The following CDKL2 variants were observed in gnomAD, a reference collection of about 807,000 sequenced individuals.
CDKL2 encodes cyclin-dependent kinase-like 2.
Under a neutral mutation model 63.9 loss-of-function variants are expected in CDKL2, and 64 were observed. The observed-to-expected ratio is 1.00, with a 90% CI of 0.82 to 1.23. CDKL2 has a LOEUF of 1.23. CDKL2 is among the 50% of genes most tolerant of loss of function. CDKL2 has a pLI of 0.00. For synonymous variants in CDKL2, 211 were observed against 229.2 expected (o/e 0.92, Z 0.72); for missense variants, 656 against 668.0 (o/e 0.98, Z 0.20).
chr4:75,617,955 G>T (rs1729997005), intron 2 of CDKL2, among the ~76,000 whole-genome samples: 1 of 151,948 alleles, frequency 6.6e-6, no homozygotes, highest in South Asian at 2.1e-4. Context: ...ACAAAAATTA[G>T]CCAGGCGTGG....
chr4:75,616,823 A>T lies in CDKL2; in HGVS notation c.169-2374T>A, dbSNP rs554008486. On this transcript the variant is annotated intron_variant, in intron 2 of 13. Transcript: ENST00000307465. The stretch of plus-strand genomic sequence containing the variant: ...GATCATGTCCTTTGCAGGGACATGG[A>T]TGGAGCTAGAAGCCATTATCCTCAG... Among the ~76,000 whole-genome samples, 206 of 152,264 alleles carry T rather than the reference A, an allele frequency of 1.4e-3. 1 individual carries two copies. Among genetic ancestry groups the T allele is most frequent in the African/African-American group, 4.8e-3 (200 of 41,544 alleles).
rs565998196 is a variant in CDKL2 at position 75,616,398 on chromosome 4, C to T, written c.169-1949G>A. 5.9e-5 allele frequency among the ~76,000 whole-genome samples: 9 copies of T among 152,048 alleles called. No homozygotes were observed. In the South Asian group the frequency reaches 1.9e-3, roughly 32 times the overall value. On this transcript the variant is annotated intron_variant, in intron 2 of 13. Transcript: ENST00000307465. ...AATTCAGGGGCCGGGCACAGTGGCT[C>T]ACACCTGTAATCCCAGCACTTTGGG...
chr4:75,586,089 G>C (rs1476631852), intron 12 of CDKL2, among the ~76,000 whole-genome samples: 1 of 151,976 alleles, frequency 6.6e-6, no homozygotes. Flanking sequence ...GACTACAATG[G>C]AATTAAATTA....
intron 5 of CDKL2, among the ~76,000 whole-genome samples, chr4:75,604,550 C>A (rs975680654): frequency 2.0e-5 from 3 of 152,184 alleles, no homozygotes; most frequent in African/African-American, 4.8e-5. Context: ...GATATTTCAA[C>A]AAACGTAAGA....
chr4:75,600,706 T>G (rs1309733476), intron 6 of CDKL2, among the ~76,000 whole-genome samples: 3 of 152,030 alleles, frequency 2.0e-5, no homozygotes, highest in African/African-American at 7.2e-5. Context: ...CTATCCACCC[T>G]CCTCAGCTTC....
intron 6 of CDKL2, among the ~76,000 whole-genome samples, chr4:75,602,322 G>T (rs773355059): frequency 6.3e-4 from 96 of 152,224 alleles, no homozygotes; most frequent in Admixed American, 3.3e-4. Context: ...GGGGGTTACA[G>T]GCACGTGCCA....
In CDKL2 at chr4:75,607,168, T is replaced by C; in HGVS notation, c.542+15A>G. On this transcript the variant is annotated intron_variant, in intron 4 of 13. Coordinates refer to ENST00000307465, the MANE Select transcript of CDKL2 (RefSeq NM_001330724.2). The stretch of plus-strand genomic sequence containing the variant: ...AAGAGTAAAAATCTACTCCTCCCCA[T>C]TACTGATGTCTTACTTGCCATACTT... 6.3e-7 allele frequency: 1 copy of C among 1,596,708 alleles called. No homozygotes were observed. Among genetic ancestry groups the C allele is most frequent in the Non-Finnish European group, 8.6e-7 (1 of 1,168,370 alleles).
In CDKL2 at chr4:75,607,343, T is replaced by G. The variant is rs143948380; in HGVS notation, c.382A>C (p.Lys128Gln). 3.1e-6 allele frequency: 5 copies of G among 1,613,452 alleles called. No homozygotes were observed. Among genetic ancestry groups the G allele is most frequent in the Non-Finnish European group, 4.2e-6 (5 of 1,179,714 alleles). The change falls in exon 4 of 14, where the codon AAG becomes CAG. Residue 128 changes from lysine to glutamine, a missense_variant. Coordinates refer to ENST00000307465, the MANE Select transcript of CDKL2 (RefSeq NM_001330724.2). Reference sequence around the variant, plus strand: ...TGGGAGACTAATATATTCTCTGGCTTTATATCTCTGTGTATGATCTAGACA... The same window carrying G: ...TGGGAGACTAATATATTCTCTGGCTGTATATCTCTGTGTATGATCTAGACA... ...HSHNIIHRDI[K>Q]PENILVSQSG... is the part of the protein sequence containing the mutation.
At chr4:75,588,847 G>A (rs1344377670) in intron 12 of CDKL2, among the ~76,000 whole-genome samples, 3 of 147,068 alleles carry the variant, frequency 2.0e-5, no homozygotes, top group Non-Finnish European at 3.0e-5. Flanking sequence ...TGCATTATCT[G>A]TTGTGCCAGA....
At chr4:75,583,112 C>T (rs1728330354) in intron 12 of CDKL2, among the ~76,000 whole-genome samples, 1 of 152,094 alleles carries the variant, frequency 6.6e-6, no homozygotes, top group Non-Finnish European at 1.5e-5. Flanking sequence ...GAGAGACCGA[C>T]AGAAATGGTA....
intron 12 of CDKL2, among the ~76,000 whole-genome samples, chr4:75,588,455 G>T (rs1369616967): frequency 6.6e-6 from 1 of 152,020 alleles, no homozygotes; most frequent in Non-Finnish European, 1.5e-5. Context: ...AGTAATAGGA[G>T]TTTAGATATA....
At chr4:75,585,458 T>C (rs1728434589) in intron 12 of CDKL2, among the ~76,000 whole-genome samples, 1 of 152,014 alleles carries the variant, frequency 6.6e-6, no homozygotes, top group Non-Finnish European at 1.5e-5. Context: ...CTGGGTGTGG[T>C]GAGCTGTGCC....
intron 12 of CDKL2, among the ~76,000 whole-genome samples, chr4:75,590,606 T>C (rs1234117729): frequency 1.3e-5 from 2 of 152,150 alleles, no homozygotes; most frequent in South Asian, 2.1e-4. Flanking sequence ...TCCCAGCTGA[T>C]TGGGAGGCTG....
chr4:75,596,876 C>T (rs751865901), intron 9 of CDKL2, 59 bp downstream of exon 9: 8 of 1,391,028 alleles, frequency 5.8e-6, no homozygotes, highest in Non-Finnish European at 7.0e-6. Flanking sequence ...TTGACAAACC[C>T]TTGCAATTTG....
At chr4:75,606,085 C>T (rs561561162) in intron 4 of CDKL2, among the ~76,000 whole-genome samples, 4 of 152,176 alleles carry the variant, frequency 2.6e-5, no homozygotes, top group Admixed American at 1.3e-4. Flanking sequence ...TCTTTGTTTA[C>T]GCATAACTCT....
At chr4:75,607,463 A>G in intron 3 of CDKL2, 102 bp from the exon 4 acceptor site, 1 of 854,002 alleles carries the variant, frequency 1.2e-6, no homozygotes, top group Non-Finnish European at 1.7e-6. Context: ...AAGAATACAA[A>G]CAAAAGCATA....
At chr4:75,607,666 G>C (rs1729479294) in intron 3 of CDKL2, among the ~76,000 whole-genome samples, 1 of 152,244 alleles carries the variant, frequency 6.6e-6, no homozygotes, top group Admixed American at 6.5e-5. Context: ...GAGGCAGTCA[G>C]GGGAAATTTT....
At chr4:75,601,482 G>C (rs1419283082) in intron 6 of CDKL2, among the ~76,000 whole-genome samples, 3 of 151,926 alleles carry the variant, frequency 2.0e-5, no homozygotes, top group African/African-American at 7.3e-5. Context: ...AATACATCTG[G>C]GATTTGCTTC....
chr4:75,598,828 A>G (rs1729053444), intron 7 of CDKL2, among the ~76,000 whole-genome samples: 1 of 152,198 alleles, frequency 6.6e-6, no homozygotes, highest in Non-Finnish European at 1.5e-5. Flanking sequence ...TGAAAGAAAG[A>G]CTGACAGAAA....
Sources: gnomAD v4.1 joint callset for allele counts (sites outside exome capture counted in the v4.1 genomes callset) on GRCh38, gnomAD v4.1.1 for gene constraint, MANE v1.5 for transcripts, NCBI Gene and HGNC (gene_info 2026-07-23, HGNC 2026-07-21) for gene names.